DDX60L: variants seen among roughly 807,000 people sequenced by gnomAD.
DDX60L encodes DExD/H-box 60 like, also known as probable ATP-dependent RNA helicase DDX60-like.
Under a neutral mutation model 211.6 loss-of-function variants are expected in DDX60L, and 191 were observed. That is an observed-to-expected ratio of 0.90 (90% CI 0.80 to 1.02). The LOEUF (loss-of-function observed/expected upper bound fraction) is 1.02. Among genes scored for constraint, DDX60L ranks in the 50% least tolerant of loss-of-function variants. The pLI is 0.00. For missense variants in DDX60L, 2,007 were observed against 1,984.1 expected, an observed-to-expected ratio of 1.01 and a Z score of -0.22; for synonymous variants, 706 against 694.1, an observed-to-expected ratio of 1.02 and a Z score of -0.27.
Position 168,454,758 on chromosome 4 carries a change from C to CTTTTTTTTTTTTTTTTTTTTTTTTTT in DDX60L, c.837+1280_837+1281insAAAAAAAAAAAAAAAAAAAAAAAAAA, listed in dbSNP as rs767461447. Among the ~76,000 whole-genome samples, 121 of 88,618 alleles carry CTTTTTTTTTTTTTTTTTTTTTTTTTT rather than the reference C, an allele frequency of 1.4e-3. 17 individuals are homozygous for CTTTTTTTTTTTTTTTTTTTTTTTTTT. Among genetic ancestry groups the CTTTTTTTTTTTTTTTTTTTTTTTTTT allele is most frequent in the Non-Finnish European group, 1.8e-3 (86 of 47,560 alleles). 58.1% of individuals were successfully genotyped at this position (88,618 alleles called of 152,430 possible). On this transcript the variant is annotated intron_variant, in intron 7 of 37. Coordinates refer to ENST00000682922, the MANE Select transcript of DDX60L (RefSeq NM_001012967.3). ...GTGCTCCCGAAGAGTAAACAGCTTC[C>CTTTTTTTTTTTTTTTTTTTTTTTTTT]TTTTTTTTTTTTTTTTTTTTTAGCA...
At chr4:168,396,375 A>C (rs1421015046) in intron 26 of DDX60L, among the ~76,000 whole-genome samples, 1 of 152,018 alleles carries the variant, frequency 6.6e-6, no homozygotes, top group Non-Finnish European at 1.5e-5. Flanking sequence ...ACACTGTAAC[A>C]GATATCCAGT....
intron 19 of DDX60L, 28 bp downstream of exon 19, chr4:168,419,274 T>A (rs758462223): frequency 2.0e-6 from 3 of 1,507,728 alleles, no homozygotes; most frequent in East Asian, 4.7e-5. Context: ...GACTAGAACA[T>A]CAACCAGAGA....
chr4:168,441,758 A>C (rs1753871795), intron 9 of DDX60L, among the ~76,000 whole-genome samples: 1 of 152,070 alleles, frequency 6.6e-6, no homozygotes, highest in African/African-American at 2.4e-5. Context: ...CTGAGGCGGG[A>C]GGATCGCTTG....
At position 168,391,542 on chromosome 4, in the gene DDX60L, G is replaced by C; in HGVS notation, c.3913C>G (p.Gln1305Glu). 1 of 1,582,556 alleles carries C rather than the reference G, an allele frequency of 6.3e-7. No individual in the cohort carries two copies. Among genetic ancestry groups the C allele is most frequent in the Non-Finnish European group, 8.6e-7 (1 of 1,156,456 alleles). The change falls in exon 29 of 38, where the codon CAG (glutamine) becomes GAG (glutamate). Residue 1305 changes from glutamine to glutamate, a missense_variant and splice_region_variant. Coordinates refer to ENST00000682922, the MANE Select transcript of DDX60L (RefSeq NM_001012967.3). ...GAGTTAAAGAGTCAGAGAGTTACCT[G>C]TCTGTAATTTAAAGCATCCAGATAG... ...SVYLDALNYR[Q>E]MSGRAGRRGQ... is the part of the protein sequence containing the mutation.
At chr4:168,385,258 C>T (rs1219150710) in intron 29 of DDX60L, among the ~76,000 whole-genome samples, 1 of 152,098 alleles carries the variant, frequency 6.6e-6, no homozygotes, top group East Asian at 1.9e-4. Context: ...ATTCTTCAGG[C>T]CTGTGTAGTG....
chr4:168,398,552 A>G (rs924364087), intron 26 of DDX60L, among the ~76,000 whole-genome samples: 1 of 152,206 alleles, frequency 6.6e-6, no homozygotes, highest in Non-Finnish European at 1.5e-5. Context: ...CCCACCTTCA[A>G]GCTGAGAAAG....
At chr4:168,457,261 TACACACACACACACACACACACACACAC>T (rs70961523) in intron 6 of DDX60L, among the ~76,000 whole-genome samples, 1 of 145,206 alleles carries the variant, frequency 6.9e-6, no homozygotes, top group South Asian at 2.2e-4. Flanking sequence ...ATAAACTACA[TACACACACACACACACACACACACACAC>T]ACATACACAC....
intron 15 of DDX60L, among the ~76,000 whole-genome samples, chr4:168,423,298 G>T (rs1025471780): frequency 1.3e-5 from 2 of 151,922 alleles, no homozygotes; most frequent in Non-Finnish European, 2.9e-5. Flanking sequence ...TTTTTAGATT[G>T]CACTAGAATT....
chr4:168,371,579 A>G (rs1359563447), intron 36 of DDX60L, 33 bp downstream of exon 36: 5 of 1,327,944 alleles, frequency 3.8e-6, no homozygotes, highest in Non-Finnish European at 4.2e-6. Flanking sequence ...ATATGTATGT[A>G]TATATTTTAC....
chr4:168,405,808 C>A, intron 24 of DDX60L, 142 bp downstream of exon 24: 6 of 840,498 alleles, frequency 7.1e-6, no homozygotes, highest in Non-Finnish European at 1.0e-5. Flanking sequence ...ATCTCATACT[C>A]ACTGGATAAC....
At chr4:168,463,600 A>T (rs1757604362) in intron 4 of DDX60L, among the ~76,000 whole-genome samples, 1 of 152,178 alleles carries the variant, frequency 6.6e-6, no homozygotes, top group Non-Finnish European at 1.5e-5. Context: ...AGTTAAAAAA[A>T]AATCTGTTTT....
intron 34 of DDX60L, among the ~76,000 whole-genome samples, 188 bp from the exon 35 acceptor site, chr4:168,373,996 A>G (rs1465417520): frequency 6.6e-6 from 1 of 152,162 alleles, no homozygotes; most frequent in African/African-American, 2.4e-5. Context: ...CATGTTGACT[A>G]TTAACTTATT....
rs751164891 is a variant in DDX60L, at chr4:168,400,980, TTAAAACA to T, written c.3339-9_3339-3del. On this transcript the variant is annotated splice_region_variant and splice_polypyrimidine_tract_variant and intron_variant, in intron 25 of 37. Coordinates refer to ENST00000682922, the MANE Select transcript of DDX60L (RefSeq NM_001012967.3). ...TTTCCCACATCATCATTCTTAAACC[TTAAAACA>T]AATGAAAACAGTGCTTTGAAAAGAC... The T allele has an allele frequency of 6.2e-7, 1 of 1,609,202 alleles. No homozygotes were observed. The highest frequency in any genetic ancestry group is 8.5e-7 in the Non-Finnish European group (1 of 1,178,604).
chr4:168,423,817 A>C (rs775238763), intron 14 of DDX60L, 43 bp from the exon 15 acceptor site: 272 of 1,309,260 alleles, frequency 2.1e-4, no homozygotes, highest in Non-Finnish European at 3.7e-5. Context: ...AACACCAAAA[A>C]TAACTGGTTG....
chr4:168,448,335 A>C (rs1350576105), intron 9 of DDX60L, among the ~76,000 whole-genome samples: 2 of 152,186 alleles, frequency 1.3e-5, no homozygotes, highest in Non-Finnish European at 2.9e-5. Flanking sequence ...ATATATCCTT[A>C]AATGTTCAAA....
intron 5 of DDX60L, among the ~76,000 whole-genome samples, chr4:168,458,255 A>G (rs751690444): frequency 6.6e-6 from 1 of 152,160 alleles, no homozygotes; most frequent in African/African-American, 2.4e-5. Flanking sequence ...CAATTCCTCA[A>G]AGACTTAGAA....
intron 2 of DDX60L, 63 bp downstream of exon 2, chr4:168,472,633 G>A (rs1758950974): frequency 6.9e-6 from 11 of 1,595,038 alleles, no homozygotes; most frequent in Non-Finnish European, 9.4e-6. Context: ...TAACATTATT[G>A]AATCTGAATA....
chr4:168,472,394 G>C (rs748282221), intron 3 of DDX60L, 61 bp downstream of exon 3: 2 of 1,246,890 alleles, frequency 1.6e-6, no homozygotes, highest in Non-Finnish European at 2.3e-6. Flanking sequence ...GGTTAAGAGG[G>C]ATGTGGAAAC....
At chr4:168,439,465 C>T (rs1426177026) in intron 10 of DDX60L, among the ~76,000 whole-genome samples, 1 of 152,066 alleles carries the variant, frequency 6.6e-6, no homozygotes, top group Non-Finnish European at 1.5e-5. Context: ...AAGACCTGCC[C>T]TATAAATTTT....
Sources: gnomAD v4.1 joint callset for allele counts (sites outside exome capture counted in the v4.1 genomes callset) on GRCh38, gnomAD v4.1.1 for gene constraint, MANE v1.5 for transcripts, NCBI Gene and HGNC (gene_info 2026-07-23, HGNC 2026-07-21) for gene names.